SARDH: variants seen among roughly 807,000 people sequenced by gnomAD.
The protein encoded by SARDH is sarcosine dehydrogenase, mitochondrial.
In SARDH, 95 loss-of-function variants were observed where a neutral mutation model predicts 109.1. The observed-to-expected ratio is 0.87, with a 90% CI of 0.74 to 1.03. The LOEUF (loss-of-function observed/expected upper bound fraction) is 1.03, where lower values mean the gene tolerates loss of function less well. Among genes scored for constraint, SARDH ranks in the 50% least tolerant of loss-of-function variants. SARDH has a pLI of 0.00. For synonymous variants in SARDH, 572 were observed against 534.8 expected, an observed-to-expected ratio of 1.07 and a Z score of -0.96; for missense variants, 1,267 against 1,287.8, an observed-to-expected ratio of 0.98 and a Z score of 0.25.
intron 12 of SARDH, chr9:133,703,507 G>GAA: frequency 6.1e-6 from 1 of 164,512 alleles, no homozygotes; most frequent in South Asian, 1.7e-4. Flanking sequence ...GACAAGTCCT[G>GAA]GACCTGGCAG....
chr9:133,718,845 G>A lies in SARDH; in HGVS notation c.1020+93C>T, dbSNP rs1045539490. 7 of 1,007,478 alleles carry A rather than the reference G, an allele frequency of 6.9e-6. No individual in the cohort carries two copies. The highest frequency in any genetic ancestry group is 1.1e-5 in the Non-Finnish European group (7 of 627,398). The allele number at this position is 1,007,478 out of a possible 1,614,324, so 62.4% of individuals were successfully genotyped here. On this transcript the variant is annotated intron_variant, in intron 7 of 20. Transcript: ENST00000439388. This position sits in a 1 kb window ranked among gnomAD's most constrained non-coding sequence, Gnocchi z 4.2. ...CACTTCTCAGGTGTGCCTCTGAGGA[G>A]CTTCAGGAGGATGGACTTCCTGAAA... is the stretch of plus-strand genomic sequence containing the variant.
intron 19 of SARDH, among the ~76,000 whole-genome samples, chr9:133,669,431 T>C (rs1036595494): frequency 6.7e-6 from 1 of 148,912 alleles, no homozygotes; most frequent in Non-Finnish European, 1.5e-5. Context: ...GTCAGCTCCA[T>C]GTCCACAGAG....
chr9:133,714,214 C>G (rs1474523038), intron 8 of SARDH, among the ~76,000 whole-genome samples: 1 of 152,158 alleles, frequency 6.6e-6, no homozygotes, highest in Non-Finnish European at 1.5e-5. Context: ...AGTGCCGTCC[C>G]GCTCCCTGGA....
At position 133,729,825 on chromosome 9, in the gene SARDH, C is replaced by G; in HGVS notation, c.855G>C (p.Lys285Asn). Residue 285 changes from lysine (K) to asparagine (N), a missense_variant, in exon 6 of 21, where the codon AAG becomes AAC. Coordinates refer to ENST00000439388, the MANE Select transcript of SARDH (RefSeq NM_001134707.2). The part of the protein sequence containing the change: ...ASAVGRMAGV[K>N]VPLVAMHHAY... The stretch of plus-strand genomic sequence containing the variant: ...CATGGTGCATGGCCACCAGCGGGAC[C>G]TTGACTCCAGCCATCCGGCCCACAG... The G allele has an allele frequency of 6.2e-7, 1 of 1,612,540 alleles. No individual in the cohort carries two copies. Among genetic ancestry groups the G allele is most frequent in the East Asian group, 2.2e-5 (1 of 44,882 alleles).
chr9:133,719,037 C>A lies in SARDH; in HGVS notation c.921G>T (p.Met307Ile). The change falls in exon 7 of 21, where the codon ATG (methionine) becomes ATT (isoleucine). Residue 307 changes from methionine (M) to isoleucine (I), a missense_variant. Physicochemically the swap from Met to Ile is conservative, Grantham distance 10. Coordinates refer to ENST00000439388, the MANE Select transcript of SARDH (RefSeq NM_001134707.2). The stretch of plus-strand genomic sequence containing the variant: ...AGGCATCATGATCACGGACATTGGG[C>A]ATGTTCTGGAAGGCAGAGAGAGAGG... The part of the protein sequence containing the change: ...VTERIEGIQN[M>I]PNVRDHDASV... The A allele has an allele frequency of 6.2e-7, 1 of 1,614,010 alleles. No individual in the cohort carries two copies. The highest frequency in any genetic ancestry group is 8.5e-7 in the Non-Finnish European group (1 of 1,179,898).
intron 1 of SARDH, among the ~76,000 whole-genome samples, chr9:133,737,543 C>A (rs920467281): frequency 6.6e-6 from 1 of 152,186 alleles, no homozygotes; most frequent in African/African-American, 2.4e-5. Context: ...GGCTGAACAC[C>A]CCCACCCCAC....
chr9:133,695,154 T>G (rs1340638756), intron 14 of SARDH, among the ~76,000 whole-genome samples: 1 of 152,212 alleles, frequency 6.6e-6, no homozygotes, highest in Non-Finnish European at 1.5e-5. Context: ...CTAATCTGAC[T>G]GCTGTCCTTC....
downstream of SARDH, among the ~76,000 whole-genome samples, chr9:133,660,075 C>G (rs1393026584): frequency 6.7e-6 from 1 of 148,282 alleles, no homozygotes; most frequent in Non-Finnish European, 1.5e-5. Context: ...TCACCCCCCA[C>G]TCACACTCTT....
chr9:133,737,077 C>T (rs1832909279), intron 1 of SARDH, among the ~76,000 whole-genome samples: 1 of 152,220 alleles, frequency 6.6e-6, no homozygotes, highest in African/African-American at 2.4e-5. Flanking sequence ...GGGACTCTCT[C>T]CTGCCCCCTC....
At position 133,705,005 on chromosome 9, in the gene SARDH, G is replaced by T; in HGVS notation, c.1497C>A (p.Phe499Leu). 6.3e-7 allele frequency: 1 copy of T among 1,591,990 alleles called. No homozygotes were observed. Among genetic ancestry groups the T allele is most frequent in the Non-Finnish European group, 8.5e-7 (1 of 1,170,278 alleles). Reference protein sequence around the residue: ...HEELLGQGCVFQERHGWERPG... With the variant: ...HEELLGQGCVLQERHGWERPG... ...GTCGCTCCCAGCCATGCCGCTCCTG[G>T]AACACGCAGCCTTGTCCAAGGAGTT... Residue 499 changes from phenylalanine (F) to leucine (L), a missense_variant, in exon 12 of 21, where the codon TTC becomes TTA. Phe to Leu is a conservative substitution (Grantham distance 22). Coordinates refer to ENST00000439388, the MANE Select transcript of SARDH (RefSeq NM_001134707.2).
At position 133,718,456 on chromosome 9, in the gene SARDH, G is replaced by C; in HGVS notation, c.1020+482C>G. On this transcript the variant is annotated intron_variant, in intron 7 of 20. Coordinates refer to ENST00000439388, the MANE Select transcript of SARDH (RefSeq NM_001134707.2). The surrounding 1 kb of genome is among the most constrained non-coding windows in gnomAD (Gnocchi z 4.2). Reference sequence around the variant, plus strand: ...TTATCTTAGTTTCCCTCTTTCTCCAGAAATTAAAGCAGTTTTTAGCCCAAA... The same window carrying C: ...TTATCTTAGTTTCCCTCTTTCTCCACAAATTAAAGCAGTTTTTAGCCCAAA... The C allele has an allele frequency of 2.0e-6, 1 of 506,906 alleles. No individual in the cohort carries two copies. The highest frequency in any genetic ancestry group is 3.2e-5 in the South Asian group (1 of 31,276). The allele number at this position is 506,906 out of a possible 1,614,324, so 31.4% of individuals were successfully genotyped here.
intron 11 of SARDH, among the ~76,000 whole-genome samples, chr9:133,707,476 C>T (rs1489611386): frequency 6.6e-6 from 1 of 152,196 alleles, no homozygotes; most frequent in African/African-American, 2.4e-5. Flanking sequence ...GGCCTCTCCC[C>T]AGGAGGTACA....
rs1238908736 is a variant in SARDH, at chr9:133,712,932, C to T, written c.1237+106G>A. 8.4e-7 allele frequency: 1 copy of T among 1,190,518 alleles called. No individual in the cohort carries two copies. Among genetic ancestry groups the T allele is most frequent in the African/African-American group, 1.5e-5 (1 of 66,220 alleles). 73.7% of individuals were successfully genotyped at this position (1,190,518 alleles called of 1,614,324 possible). On this transcript the variant is annotated intron_variant, in intron 9 of 20. Transcript: ENST00000439388. The surrounding 1 kb of genome is among the most constrained non-coding windows in gnomAD (Gnocchi z 4.1). ...CTGGACTCCCCAGCCTCTCCTGTCC[C>T]CACCACTGTCGGGGGCCACGGTGCT... is the stretch of plus-strand genomic sequence containing the variant.
In SARDH at chr9:133,733,964, C is replaced by A; in HGVS notation, c.210G>T (p.Val70=). ...SRPLPSTANV[V]VIGGGSLGCQ... ...AGCCCAAGCTGCCTCCACCAATGAC[C>A]ACCACGTTGGCCGTGCTGGGCAGGG... The change falls in exon 2 of 21, where the codon GTG becomes GTT. Residue 70 remains valine, a synonymous_variant. Coordinates refer to ENST00000439388, the MANE Select transcript of SARDH (RefSeq NM_001134707.2). 1 of 1,610,292 alleles carries A rather than the reference C, an allele frequency of 6.2e-7. No individual in the cohort carries two copies.
intron 19 of SARDH, chr9:133,667,190 TC>T: frequency 2.1e-6 from 1 of 474,884 alleles, no homozygotes; most frequent in Non-Finnish European, 3.6e-6. Context: ...GTTGTTCAAC[TC>T]TGGTTTTTTT....
intron 13 of SARDH, among the ~76,000 whole-genome samples, chr9:133,700,288 T>C (rs1229573888): frequency 6.6e-6 from 1 of 151,758 alleles, no homozygotes; most frequent in Admixed American, 6.6e-5. Flanking sequence ...ATTGCACCCC[T>C]GCACTCCAGC....
chr9:133,680,444 G>A (rs1830658679), intron 17 of SARDH, among the ~76,000 whole-genome samples: 1 of 152,230 alleles, frequency 6.6e-6, no homozygotes, highest in Non-Finnish European at 1.5e-5. Context: ...GAAATGGGGA[G>A]GGCACTGTGT....
At chr9:133,691,773 T>C (rs1831106299) in intron 15 of SARDH, among the ~76,000 whole-genome samples, 1 of 152,162 alleles carries the variant, frequency 6.6e-6, no homozygotes, top group South Asian at 2.1e-4. Flanking sequence ...CCATGCATAT[T>C]CATAACTCAA....
intron 17 of SARDH, among the ~76,000 whole-genome samples, 161 bp from the exon 18 acceptor site, chr9:133,671,858 G>A (rs1830362161): frequency 6.6e-6 from 1 of 152,200 alleles, no homozygotes; most frequent in Admixed American, 6.5e-5. Flanking sequence ...TCCAAGGAGA[G>A]CTGCTCCCTC....
Sources: allele counts gnomAD v4.1 joint callset (sites outside exome capture counted in the v4.1 genomes callset), GRCh38; gene constraint gnomAD v4.1.1; non-coding constraint Gnocchi (gnomAD v3.1); transcripts MANE v1.5; gene names NCBI Gene and HGNC (gene_info 2026-07-23, HGNC 2026-07-21).